SNX18: variants seen among roughly 807,000 people sequenced by gnomAD.
The protein encoded by SNX18 is sorting nexin-18.
A neutral mutation model predicts 48.7 loss-of-function variants in SNX18; 35 were observed. That is an observed-to-expected ratio of 0.72 (90% confidence interval 0.55 to 0.95). The LOEUF (loss-of-function observed/expected upper bound fraction) is 0.95. Among genes scored for constraint, SNX18 ranks in the 40% least tolerant of loss-of-function variants. The probability of loss-of-function intolerance (pLI) is 0.00; values close to 1 mark genes in which losing one functional copy is unlikely to be tolerated. For synonymous variants in SNX18, 492 were observed against 384.7 expected (o/e 1.28, Z -3.26); for missense variants, 824 against 871.0 (o/e 0.95, Z 0.68).
chr5:54,574,671 T>A, the SNX18 span, among the ~76,000 whole-genome samples: 2 of 151,890 alleles, frequency 1.3e-5, no homozygotes, highest in Non-Finnish European at 2.9e-5. Context: ...CGTATGGTAA[T>A]GGAAAGGAAG....
the SNX18 span, among the ~76,000 whole-genome samples, chr5:54,572,939 G>A: frequency 1.1e-4 from 17 of 150,698 alleles, 1 homozygote; most frequent in Admixed American, 6.6e-4. Context: ...GAACAACAGC[G>A]ACTCCATTTT....
chr5:54,627,693 T>C, the SNX18 span, among the ~76,000 whole-genome samples: 1 of 151,880 alleles, frequency 6.6e-6, no homozygotes, highest in Non-Finnish European at 1.5e-5. Context: ...GTGGCAGGGG[T>C]GCAGATTCCA....
the SNX18 span, among the ~76,000 whole-genome samples, chr5:54,562,829 T>C: frequency 1.3e-5 from 2 of 152,204 alleles, no homozygotes; most frequent in Non-Finnish European, 2.9e-5. Flanking sequence ...GGCATTGTTA[T>C]CACAGGAGAT....
chr5:54,646,311 AG>A, the SNX18 span, among the ~76,000 whole-genome samples: 1 of 152,124 alleles, frequency 6.6e-6, no homozygotes, highest in East Asian at 1.9e-4. Context: ...ACACTCTGCT[AG>A]GGGCTGATTT....
the SNX18 span, among the ~76,000 whole-genome samples, chr5:54,564,869 AC>A: frequency 6.6e-6 from 1 of 151,268 alleles, no homozygotes. Flanking sequence ...AAACAAACAA[AC>A]AAAAACAAAC....
chr5:54,600,709 C>T, the SNX18 span, among the ~76,000 whole-genome samples: 3 of 152,164 alleles, frequency 2.0e-5, no homozygotes, highest in African/African-American at 7.2e-5. Flanking sequence ...CCATTATCCT[C>T]AGCAAACTAA....
At chr5:54,571,021 G>A in the SNX18 span, among the ~76,000 whole-genome samples, 2 of 152,184 alleles carry the variant, frequency 1.3e-5, no homozygotes, top group African/African-American at 4.8e-5. Context: ...GAAATGTAAT[G>A]CTGGCAGACG....
At chr5:54,526,061 G>A (rs991002242) in intron 1 of SNX18, among the ~76,000 whole-genome samples, 10 of 152,150 alleles carry the variant, frequency 6.6e-5, no homozygotes, top group African/African-American at 2.2e-4. Flanking sequence ...GACAGCTGGA[G>A]CGACTTCTCT....
At chr5:54,572,750 GTGTGTA>G in the SNX18 span, among the ~76,000 whole-genome samples, 7 of 41,470 alleles carry the variant, frequency 1.7e-4, no homozygotes, top group Non-Finnish European at 3.1e-4. Flanking sequence ...GTGTGTGTGT[GTGTGTA>G]TATATATATA....
downstream of SNX18, among the ~76,000 whole-genome samples, chr5:54,549,960 T>A (rs3749712): frequency 2.7e-3 from 418 of 152,332 alleles, 10 homozygotes; most frequent in East Asian, 0.06. Flanking sequence ...TTTAAAAGAA[T>A]GCAGAGTCTT....
chr5:54,634,878 C>G, the SNX18 span, among the ~76,000 whole-genome samples: 1 of 152,058 alleles, frequency 6.6e-6, no homozygotes, highest in African/African-American at 2.4e-5. Flanking sequence ...TAATGTTTGT[C>G]AGCATACTTG....
chr5:54,527,552 T>C (rs1762160000), intron 1 of SNX18, among the ~76,000 whole-genome samples: 1 of 152,046 alleles, frequency 6.6e-6, no homozygotes. Context: ...AGGAATTGAG[T>C]TTTCTCCTTT....
At chr5:54,590,492 C>T in the SNX18 span, among the ~76,000 whole-genome samples, 1 of 152,128 alleles carries the variant, frequency 6.6e-6, no homozygotes, top group African/African-American at 2.4e-5. Flanking sequence ...TAAGCCAGAT[C>T]CATGTGATCA....
chr5:54,647,192 A>C, the SNX18 span, among the ~76,000 whole-genome samples: 1 of 152,254 alleles, frequency 6.6e-6, no homozygotes, highest in African/African-American at 2.4e-5. Flanking sequence ...GTATTTATTC[A>C]ATAATCATTT....
At chr5:54,626,869 T>C in the SNX18 span, among the ~76,000 whole-genome samples, 2 of 152,190 alleles carry the variant, frequency 1.3e-5, no homozygotes, top group Non-Finnish European at 2.9e-5. Flanking sequence ...TAACTAGTAA[T>C]ATAAAGAGGT....
chr5:54,568,520 CA>C, the SNX18 span, among the ~76,000 whole-genome samples: 1 of 152,190 alleles, frequency 6.6e-6, no homozygotes, highest in African/African-American at 2.4e-5. Flanking sequence ...CAGACTGCTG[CA>C]AAACCACTGC....
At chr5:54,543,013 T>G (rs1013539742) in intron 1 of SNX18, among the ~76,000 whole-genome samples, 166 bp from the exon 2 acceptor site, 1 of 152,228 alleles carries the variant, frequency 6.6e-6, no homozygotes, top group African/African-American at 2.4e-5. Flanking sequence ...ACCAGATTCC[T>G]TCTTTTTTTA....
chr5:54,556,340 G>A, the SNX18 span, among the ~76,000 whole-genome samples: 1 of 152,140 alleles, frequency 6.6e-6, no homozygotes, highest in Non-Finnish European at 1.5e-5. Flanking sequence ...CCTCTGTGGA[G>A]ACTCTGCGGG....
At chr5:54,628,241 G>C in the SNX18 span, among the ~76,000 whole-genome samples, 1 of 152,166 alleles carries the variant, frequency 6.6e-6, no homozygotes, top group Non-Finnish European at 1.5e-5. Context: ...TAACCAGGAA[G>C]GTCAGTGAAA....
Sources: gnomAD v4.1 joint callset for allele counts (sites outside exome capture counted in the v4.1 genomes callset) on GRCh38, gnomAD v4.1.1 for gene constraint, MANE v1.5 for transcripts, NCBI Gene and HGNC (gene_info 2026-07-23, HGNC 2026-07-21) for gene names.